COG5: variants seen among roughly 807,000 people sequenced by gnomAD.
COG5 encodes conserved oligomeric Golgi complex subunit 5.
COG5 carries 86 observed loss-of-function variants against 110.4 expected under a neutral mutation model. That is an observed-to-expected ratio of 0.78 (90% confidence interval 0.65 to 0.93). The LOEUF is 0.93. Ranked by LOEUF, COG5 falls within the 40% of genes least tolerant of loss-of-function variation. The probability of loss-of-function intolerance (pLI) is 0.00; values close to 1 mark genes in which losing one functional copy is unlikely to be tolerated. For missense variants in COG5, 1,077 were observed against 987.0 expected (o/e 1.09, Z -1.22); for synonymous variants, 360 against 334.6 (o/e 1.08, Z -0.83).
At chr7:107,447,543 T>G (rs983280155) in intron 6 of COG5, among the ~76,000 whole-genome samples, 6 of 152,332 alleles carry the variant, frequency 3.9e-5, no homozygotes, top group African/African-American at 1.4e-4. Flanking sequence ...CAGTTATATA[T>G]AAGGTGTTCA....
At chr7:107,485,382 T>G (rs1232612302) in intron 6 of COG5, among the ~76,000 whole-genome samples, 2 of 152,206 alleles carry the variant, frequency 1.3e-5, no homozygotes, top group Non-Finnish European at 2.9e-5. Flanking sequence ...CTGAACTACA[T>G]GATAAAAGAC....
chr7:107,484,196 G>A (rs561101817), intron 6 of COG5, among the ~76,000 whole-genome samples: 99 of 152,022 alleles, frequency 6.5e-4, no homozygotes, highest in Admixed American at 1.4e-3. Flanking sequence ...GGTGACAGGC[G>A]TGCACCAACG....
In COG5 at chr7:107,510,460, C is replaced by T. The variant is rs570697120; in HGVS notation, c.538+16777G>A. On this transcript the variant is annotated intron_variant, in intron 6 of 21. Transcript: ENST00000297135. ...ACACAATAATAACGGGAGACTTTAA[C>T]AACCCACTGTCAACATTAGACAGAT... 5.1e-4 allele frequency among the ~76,000 whole-genome samples: 77 copies of T among 152,306 alleles called. 1 individual carries two copies. The highest frequency in any genetic ancestry group is 1.2e-3 in the Admixed American group (19 of 15,304).
chr7:107,372,273 T>C (rs1290950747), intron 8 of COG5, among the ~76,000 whole-genome samples: 3 of 152,290 alleles, frequency 2.0e-5, no homozygotes, highest in East Asian at 3.9e-4. Flanking sequence ...AAGAAGTACA[T>C]GGGAGGATAA....
chr7:107,270,401 T>C (rs764164904), intron 14 of COG5, among the ~76,000 whole-genome samples: 6 of 151,890 alleles, frequency 4.0e-5, no homozygotes, highest in African/African-American at 4.8e-5. Context: ...ATCTGGGACA[T>C]CAGATATGTG....
chr7:107,203,342 A>G lies in COG5; in HGVS notation c.*174T>C, dbSNP rs1798495825. On this transcript the variant is annotated 3_prime_UTR_variant, in exon 22 of 22. Transcript: ENST00000297135. ...AATTGAAAGGTGGTGATAACTCAAC[A>G]TTTTTTATGCTAAAGTATAAGTGCT... The G allele has an allele frequency of 1.6e-6, 1 of 621,946 alleles. No homozygotes were observed. Among genetic ancestry groups the G allele is most frequent in the Non-Finnish European group, 2.9e-6 (1 of 347,758 alleles). 38.5% of individuals were successfully genotyped at this position (621,946 alleles called of 1,614,324 possible).
At chr7:107,248,195 G>A (rs1175929999) in intron 17 of COG5, among the ~76,000 whole-genome samples, 2 of 151,996 alleles carry the variant, frequency 1.3e-5, no homozygotes, top group Admixed American at 6.6e-5. Context: ...TTTAAAAAGA[G>A]AAGTGATGAA....
At chr7:107,409,242 AAAAAAG>A (rs1262014504) in intron 7 of COG5, among the ~76,000 whole-genome samples, 3 of 151,512 alleles carry the variant, frequency 2.0e-5, no homozygotes, top group African/African-American at 4.8e-5. Context: ...AAAAAAAAAA[AAAAAAG>A]AAAACAGGAG....
intron 10 of COG5, among the ~76,000 whole-genome samples, chr7:107,346,176 A>C (rs575719153): frequency 3.2e-4 from 49 of 152,338 alleles, no homozygotes; most frequent in Admixed American, 2.9e-3. Flanking sequence ...TACAGTTTCT[A>C]AATACATTTT....
intron 10 of COG5, among the ~76,000 whole-genome samples, chr7:107,355,495 A>G (rs1378821168): frequency 2.6e-5 from 4 of 152,238 alleles, no homozygotes; most frequent in Admixed American, 2.0e-4. Context: ...AGCTTTATTC[A>G]TAACTGGCAA....
At chr7:107,431,960 A>C (rs955808117) in intron 6 of COG5, among the ~76,000 whole-genome samples, 1 of 152,164 alleles carries the variant, frequency 6.6e-6, no homozygotes, top group Non-Finnish European at 1.5e-5. Flanking sequence ...ATCAACAATG[A>C]CTTTTAAATA....
chr7:107,357,842 T>C (rs1401290311), intron 10 of COG5, among the ~76,000 whole-genome samples: 1 of 152,194 alleles, frequency 6.6e-6, no homozygotes, highest in Admixed American at 6.5e-5. Flanking sequence ...CTAATTGTTT[T>C]AGTTTTTGTA....
chr7:107,302,454 G>A (rs1482126013), intron 11 of COG5, among the ~76,000 whole-genome samples: 3 of 152,114 alleles, frequency 2.0e-5, no homozygotes, highest in Non-Finnish European at 2.9e-5. Context: ...ATTGATTATT[G>A]TGATGATTTC....
chr7:107,260,963 G>T (rs368141838), intron 14 of COG5, among the ~76,000 whole-genome samples: 142 of 140,614 alleles, frequency 1.0e-3, no homozygotes, highest in African/African-American at 3.7e-3. Flanking sequence ...GTTTGTTTTT[G>T]TTTTTTTTTT....
intron 6 of COG5, among the ~76,000 whole-genome samples, chr7:107,495,124 G>A (rs1019600814): frequency 2.0e-5 from 3 of 152,138 alleles, no homozygotes; most frequent in Admixed American, 1.3e-4. Flanking sequence ...CCTAAACAGT[G>A]CACAGCTATA....
intron 19 of COG5, 97 bp downstream of exon 19, chr7:107,230,518 A>G (rs1800700051): frequency 2.3e-6 from 2 of 877,418 alleles, no homozygotes; most frequent in Non-Finnish European, 3.9e-6. Flanking sequence ...TAGATCAAAA[A>G]TGGTTGAATA....
chr7:107,381,837 A>C (rs527896357), intron 7 of COG5, among the ~76,000 whole-genome samples: 1 of 152,274 alleles, frequency 6.6e-6, no homozygotes, highest in Admixed American at 6.5e-5. Context: ...AAGGAAACTT[A>C]TTTTATACAT....
intron 6 of COG5, among the ~76,000 whole-genome samples, chr7:107,438,599 T>G (rs1319910306): frequency 3.3e-5 from 5 of 152,198 alleles, no homozygotes; most frequent in African/African-American, 2.4e-5. Context: ...TTAGGAGGAC[T>G]GAGAAGTTAT....
chr7:107,407,776 G>A (rs1421780793), intron 7 of COG5, among the ~76,000 whole-genome samples: 3 of 151,996 alleles, frequency 2.0e-5, no homozygotes, highest in African/African-American at 4.8e-5. Context: ...ACCAGTAACT[G>A]TGTTCAAAGA....
Sources: gnomAD v4.1 joint callset for allele counts (sites outside exome capture counted in the v4.1 genomes callset) on GRCh38, gnomAD v4.1.1 for gene constraint, MANE v1.5 for transcripts, NCBI Gene and HGNC (gene_info 2026-07-23, HGNC 2026-07-21) for gene names.